Variants in LYPD6B observed in about 807,000 individuals in gnomAD.
LYPD6B encodes LY6/PLAUR domain containing 6B, also known as ly6/PLAUR domain-containing protein 6B.
In LYPD6B, 17 loss-of-function variants were observed where a neutral mutation model predicts 22.8. The ratio of observed to expected loss-of-function variants is 0.75; its 90% confidence interval spans 0.51 to 1.12. The LOEUF is 1.12. Among genes scored for constraint, LYPD6B ranks in the 50% most tolerant of loss-of-function variants. The pLI is 0.00. For synonymous variants in LYPD6B, 106 were observed against 91.6 expected (o/e 1.16, Z -0.90); for missense variants, 221 against 258.3 (o/e 0.86, Z 0.99).
At chr2:149,053,367 T>G (rs1683650550) in intron 1 of LYPD6B, among the ~76,000 whole-genome samples, 1 of 152,200 alleles carries the variant, frequency 6.6e-6, no homozygotes, top group Non-Finnish European at 1.5e-5. Context: ...TTTAGGATAT[T>G]TCCAATATTT....
chr2:149,072,084 A>G (rs975104900), intron 1 of LYPD6B, among the ~76,000 whole-genome samples: 1 of 151,830 alleles, frequency 6.6e-6, no homozygotes, highest in Non-Finnish European at 1.5e-5. Flanking sequence ...GGCACACACC[A>G]CTACACCTGG....
chr2:149,052,435 C>T (rs1248242880), intron 1 of LYPD6B, among the ~76,000 whole-genome samples: 1 of 152,168 alleles, frequency 6.6e-6, no homozygotes, highest in Non-Finnish European at 1.5e-5. Context: ...GTTCTCTTTC[C>T]CTGAAAGCTA....
intron 3 of LYPD6B, among the ~76,000 whole-genome samples, chr2:149,176,382 T>C (rs1418288734): frequency 3.9e-5 from 6 of 152,176 alleles, no homozygotes; most frequent in Admixed American, 6.5e-5. Flanking sequence ...TAAAGATGTG[T>C]CCAAGAGAGC....
intron 1 of LYPD6B, among the ~76,000 whole-genome samples, chr2:149,050,383 A>T (rs1032193426): frequency 1.3e-5 from 2 of 152,208 alleles, no homozygotes; most frequent in African/African-American, 4.8e-5. Context: ...ATTCTTGCTC[A>T]TTGTGAAACC....
chr2:149,147,261 TGAG>T (rs1008730076), intron 2 of LYPD6B, among the ~76,000 whole-genome samples: 1 of 152,196 alleles, frequency 6.6e-6, no homozygotes, highest in Non-Finnish European at 1.5e-5. Context: ...TGAAGCAATT[TGAG>T]GAGGAAGAGC....
intron 4 of LYPD6B, 127 bp downstream of exon 4, chr2:149,205,531 G>A: frequency 2.9e-6 from 3 of 1,042,482 alleles, no homozygotes; most frequent in Non-Finnish European, 4.2e-6. Context: ...GAATAAAACA[G>A]AAAGTCTCCA....
At chr2:149,208,089 A>G (rs1693614000) in intron 4 of LYPD6B, among the ~76,000 whole-genome samples, 1 of 152,158 alleles carries the variant, frequency 6.6e-6, no homozygotes, top group South Asian at 2.1e-4. Flanking sequence ...CACTTTCATC[A>G]CTCTATAGTG....
At chr2:149,080,616 C>T (rs564705310) in intron 1 of LYPD6B, among the ~76,000 whole-genome samples, 7 of 151,958 alleles carry the variant, frequency 4.6e-5, no homozygotes, top group Admixed American at 2.0e-4. Flanking sequence ...CCAAGGTGGG[C>T]GGATCACCTG....
At chr2:149,175,078 T>G (rs28857860) in intron 3 of LYPD6B, among the ~76,000 whole-genome samples, 3 of 151,194 alleles carry the variant, frequency 2.0e-5, no homozygotes, top group African/African-American at 7.3e-5. Context: ...TGTGTGTGTG[T>G]GTGTGTGTAG....
At chr2:149,097,550 G>A (rs1273950737) in intron 1 of LYPD6B, among the ~76,000 whole-genome samples, 7 of 152,310 alleles carry the variant, frequency 4.6e-5, no homozygotes, top group African/African-American at 1.4e-4. Context: ...AGTCACCTCC[G>A]TTGGGGGCTG....
chr2:149,147,917 T>TGTGTGTGTGTGTGTGC (rs1689135238), intron 2 of LYPD6B, among the ~76,000 whole-genome samples: 1 of 151,420 alleles, frequency 6.6e-6, no homozygotes, highest in African/African-American at 2.4e-5. Flanking sequence ...TGTGTGTGTG[T>TGTGTGTGTGTGTGTGC]GTGTGTGTGT....
intron 1 of LYPD6B, among the ~76,000 whole-genome samples, chr2:149,094,744 G>A (rs1685824516): frequency 6.6e-6 from 1 of 152,068 alleles, no homozygotes; most frequent in Non-Finnish European, 1.5e-5. Flanking sequence ...TCTCATCCTT[G>A]TCAATAGATA....
chr2:149,107,926 A>G (rs1355290210), intron 1 of LYPD6B, among the ~76,000 whole-genome samples: 1 of 152,150 alleles, frequency 6.6e-6, no homozygotes, highest in Non-Finnish European at 1.5e-5. Context: ...TACTTGTTCT[A>G]TCAATTATTG....
chr2:149,174,790 G>A (rs572743606), intron 3 of LYPD6B, among the ~76,000 whole-genome samples: 7 of 151,660 alleles, frequency 4.6e-5, no homozygotes, highest in African/African-American at 1.7e-4. Context: ...TCAGAGGTTG[G>A]GGGGGTGGGA....
Position 149,130,883 on chromosome 2 carries a change from A to C in LYPD6B, c.-66A>C, listed in dbSNP as rs1488464997. On this transcript the variant is annotated splice_region_variant and 5_prime_UTR_variant, in exon 2 of 7. Transcript: ENST00000409642. The stretch of plus-strand genomic sequence containing the variant: ...TACCTTTTCATGTTCATTTGTTTAG[A>C]TATGCCACACTTCTGCCTGCTGTTG... The C allele has an allele frequency of 1.6e-6, 2 of 1,230,116 alleles. No homozygotes were observed. The highest frequency in any genetic ancestry group is 2.4e-6 in the Non-Finnish European group (2 of 833,618). The allele number at this position is 1,230,116 out of a possible 1,614,324, so 76.2% of individuals were successfully genotyped here.
chr2:149,073,553 T>C (rs908524138), intron 1 of LYPD6B, among the ~76,000 whole-genome samples: 1 of 152,130 alleles, frequency 6.6e-6, no homozygotes, highest in African/African-American at 2.4e-5. Context: ...GTCCTGCAGC[T>C]GTTTGGGGCT....
At chr2:149,099,833 A>C (rs1686106822) in intron 1 of LYPD6B, among the ~76,000 whole-genome samples, 1 of 152,182 alleles carries the variant, frequency 6.6e-6, no homozygotes, top group Admixed American at 6.5e-5. Flanking sequence ...CTATGATGAG[A>C]GTTAGACCAT....
intron 2 of LYPD6B, 156 bp from the exon 3 acceptor site, chr2:149,160,608 C>A: frequency 2.9e-6 from 2 of 686,086 alleles, no homozygotes; most frequent in Non-Finnish European, 5.3e-6. Context: ...GGATTTCATG[C>A]ATTTGATATT....
chr2:149,079,206 G>C (rs1457928068), intron 1 of LYPD6B, among the ~76,000 whole-genome samples: 1 of 151,998 alleles, frequency 6.6e-6, no homozygotes, highest in Admixed American at 6.6e-5. Context: ...GTCTAACTTT[G>C]GACTGGTATC....
Sources: gnomAD v4.1 joint callset for allele counts (sites outside exome capture counted in the v4.1 genomes callset) on GRCh38, gnomAD v4.1.1 for gene constraint, MANE v1.5 for transcripts, NCBI Gene and HGNC (gene_info 2026-07-23, HGNC 2026-07-21) for gene names.